ERBB4: variants seen among roughly 807,000 people sequenced by gnomAD.
The protein encoded by ERBB4 is receptor tyrosine-protein kinase erbB-4.
Under a neutral mutation model 158.0 loss-of-function variants are expected in ERBB4, and 42 were observed. The ratio of observed to expected loss-of-function variants is 0.27; its 90% confidence interval spans 0.21 to 0.34. The LOEUF is 0.34. Ranked by LOEUF, ERBB4 falls within the 10% of genes least tolerant of loss-of-function variation. The probability of loss-of-function intolerance (pLI) is 1.00; values close to 1 mark genes in which losing one functional copy is unlikely to be tolerated. For missense variants in ERBB4, 1,333 were observed against 1,624.1 expected (o/e 0.82, Z 3.08); for synonymous variants, 583 against 558.7 (o/e 1.04, Z -0.61).
At position 212,080,694 on chromosome 2, in the gene ERBB4, AC is replaced by A. The variant is rs1329791246; in HGVS notation, c.234+44057del. Reference sequence around the variant, plus strand: ...TAAATAGTAAAAAAAAAAAAAAAAAACCTCTTTATATTCAAAATTTATCTGG... The same window carrying A: ...TAAATAGTAAAAAAAAAAAAAAAAAACTCTTTATATTCAAAATTTATCTGG... On this transcript the variant is annotated intron_variant, in intron 2 of 27. Coordinates refer to ENST00000342788, the MANE Select transcript of ERBB4 (RefSeq NM_005235.3). Among the ~76,000 whole-genome samples, 837 of 137,482 alleles carry A rather than the reference AC, an allele frequency of 6.1e-3. 8 individuals are homozygous for A. Among genetic ancestry groups the A allele is most frequent in the African/African-American group, 0.014 (535 of 37,704 alleles). The allele number at this position is 137,482 out of a possible 152,430, so 90.2% of individuals were successfully genotyped here. A position where few individuals can be genotyped will look rare whatever the true frequency, so the allele number is the denominator to read the frequency against.
intron 19 of ERBB4, among the ~76,000 whole-genome samples, chr2:211,597,248 G>A (rs1024006432): frequency 6.6e-6 from 1 of 152,042 alleles, no homozygotes; most frequent in African/African-American, 2.4e-5. Flanking sequence ...TAGGGGATGA[G>A]GCATATCTAA....
At chr2:212,072,591 T>A (rs1049745672) in intron 2 of ERBB4, among the ~76,000 whole-genome samples, 4 of 151,962 alleles carry the variant, frequency 2.6e-5, no homozygotes, top group African/African-American at 9.7e-5. Context: ...CAGTAAGAAT[T>A]CACTCACATT....
Position 211,580,845 on chromosome 2 carries a change from T to TATA in ERBB4, c.2302-18760_2302-18758dup, listed in dbSNP as rs1277261577. Among the ~76,000 whole-genome samples the TATA allele has an allele frequency of 9.5e-4, 26 of 27,234 alleles. 3 individuals carry two copies. Among genetic ancestry groups the TATA allele is most frequent in the East Asian group, 7.3e-3 (3 of 412 alleles). 17.9% of individuals were successfully genotyped at this position (27,234 alleles called of 152,430 possible). On this transcript the variant is annotated intron_variant, in intron 19 of 27. Transcript: ENST00000342788. ...TATATTATATATATAGATTATATAT[T>TATA]ATATATATAGTATGCATATACATAT... is the stretch of plus-strand genomic sequence containing the variant.
intron 1 of ERBB4, among the ~76,000 whole-genome samples, chr2:212,222,188 T>A (rs746337866): frequency 8.6e-5 from 13 of 151,606 alleles, no homozygotes; most frequent in Non-Finnish European, 1.8e-4. Context: ...ATGACTATAT[T>A]ATAACTTTCT....
At position 211,958,926 on chromosome 2, in the gene ERBB4, C is replaced by T. The variant is rs934503592; in HGVS notation, c.235-11310G>A. ...ATCAGCATTCTCTTAGGTGCCTTCT[C>T]TTAGGTGCCTTCTCTTAGATGCTAT... On this transcript the variant is annotated intron_variant, in intron 2 of 27. Coordinates refer to ENST00000342788, the MANE Select transcript of ERBB4 (RefSeq NM_005235.3). 5.3e-5 allele frequency among the ~76,000 whole-genome samples: 8 copies of T among 151,940 alleles called. No individual in the cohort carries two copies. The South Asian group carries it at 6.2e-4, about 12-fold the overall frequency.
chr2:211,934,657 C>A (rs1211417866), intron 3 of ERBB4, among the ~76,000 whole-genome samples: 2 of 151,760 alleles, frequency 1.3e-5, no homozygotes, highest in African/African-American at 2.4e-5. Context: ...ATAAAACACG[C>A]TTCAAATATA....
intron 1 of ERBB4, among the ~76,000 whole-genome samples, chr2:212,496,252 C>G (rs1213576325): frequency 1.3e-5 from 2 of 149,248 alleles, no homozygotes; most frequent in Non-Finnish European, 3.0e-5. Context: ...ATGGAACAGA[C>G]AAAGTATATC....
intron 16 of ERBB4, among the ~76,000 whole-genome samples, chr2:211,640,852 T>A (rs2125893397): frequency 6.6e-6 from 1 of 152,112 alleles, no homozygotes; most frequent in African/African-American, 2.4e-5. Context: ...AAGTATAACC[T>A]CAACAGTGGA....
rs5838309 is a variant in ERBB4 at position 212,206,589 on chromosome 2, C to CTTTTTTTTTTTTTTTTTTTTTTTTTT, written c.83-81687_83-81686insAAAAAAAAAAAAAAAAAAAAAAAAAA. Among the ~76,000 whole-genome samples, 338 of 116,378 alleles carry CTTTTTTTTTTTTTTTTTTTTTTTTTT rather than the reference C, an allele frequency of 2.9e-3. 28 individuals are homozygous for CTTTTTTTTTTTTTTTTTTTTTTTTTT. Among genetic ancestry groups the CTTTTTTTTTTTTTTTTTTTTTTTTTT allele is most frequent in the Middle Eastern group, 7.8e-3 (2 of 258 alleles). 76.3% of individuals were successfully genotyped at this position (116,378 alleles called of 152,430 possible). Reference sequence around the variant, plus strand: ...ATGAACTGTCTCCGTCTGTTCTGTTCTTTTTTTTTTTTTTTTGAGACGGAG... The same window carrying CTTTTTTTTTTTTTTTTTTTTTTTTTT: ...ATGAACTGTCTCCGTCTGTTCTGTTCTTTTTTTTTTTTTTTTTTTTTTTTTTTTTTTTTTTTTTTTTTGAGACGGAG... On this transcript the variant is annotated intron_variant, in intron 1 of 27. Transcript: ENST00000342788.
chr2:212,398,225 A>G (rs2106455059), intron 1 of ERBB4, among the ~76,000 whole-genome samples: 1 of 152,138 alleles, frequency 6.6e-6, no homozygotes, highest in South Asian at 2.1e-4. Flanking sequence ...ATAGTAAAAT[A>G]TTCATTATCT....
At chr2:211,681,599 A>C (rs536185323) in intron 12 of ERBB4, among the ~76,000 whole-genome samples, 1 of 152,276 alleles carries the variant, frequency 6.6e-6, no homozygotes, top group East Asian at 1.9e-4. Flanking sequence ...GTTTTGATTC[A>C]CATTTTCCTA....
intron 1 of ERBB4, among the ~76,000 whole-genome samples, chr2:212,401,769 T>C (rs1260839402): frequency 6.6e-6 from 1 of 152,086 alleles, no homozygotes; most frequent in Non-Finnish European, 1.5e-5. Context: ...GTTTAGAGTA[T>C]AGAGTAAGGC....
chr2:212,014,824 G>A (rs757103975), intron 2 of ERBB4, among the ~76,000 whole-genome samples: 2 of 151,384 alleles, frequency 1.3e-5, no homozygotes, highest in Non-Finnish European at 2.9e-5. Context: ...GTAAAAAAAT[G>A]TACATAATAT....
intron 1 of ERBB4, among the ~76,000 whole-genome samples, chr2:212,382,334 A>G (rs2090531196): frequency 6.6e-6 from 1 of 150,668 alleles, no homozygotes; most frequent in Non-Finnish European, 1.5e-5. Flanking sequence ...CACTATATAA[A>G]ACACATATGT....
chr2:211,913,375 G>T (rs1032011781), intron 3 of ERBB4, among the ~76,000 whole-genome samples: 1 of 151,958 alleles, frequency 6.6e-6, no homozygotes, highest in African/African-American at 2.4e-5. Context: ...TGAGGCGGGC[G>T]GATCACACTG....
rs1491260097 is a variant in ERBB4, at chr2:211,772,956, T to TA, written c.556+15068_556+15069insT. Among the ~76,000 whole-genome samples the TA allele has an allele frequency of 7.5e-3, 575 of 76,224 alleles. 27 individuals are homozygous for TA. Among genetic ancestry groups the TA allele is most frequent in the Middle Eastern group, 0.024 (4 of 170 alleles). 50.0% of individuals were successfully genotyped at this position (76,224 alleles called of 152,430 possible). ...ATATATATATATATATATATATATA[T>TA]TTTTTTTTTTAAAGATGGGGTCCTA... On this transcript the variant is annotated intron_variant, in intron 4 of 27. Coordinates refer to ENST00000342788, the MANE Select transcript of ERBB4 (RefSeq NM_005235.3).
chr2:212,434,636 A>G (rs1454564777), intron 1 of ERBB4, among the ~76,000 whole-genome samples: 2 of 151,922 alleles, frequency 1.3e-5, no homozygotes, highest in African/African-American at 4.8e-5. Context: ...GTAAACTTCA[A>G]ATTCTCAAAG....
At chr2:211,614,912 A>C (rs1252201661) in intron 19 of ERBB4, among the ~76,000 whole-genome samples, 8 of 152,110 alleles carry the variant, frequency 5.3e-5, no homozygotes. Context: ...CCTATGGTAT[A>C]TATAGAGAAA....
intron 1 of ERBB4, among the ~76,000 whole-genome samples, chr2:212,446,838 G>C (rs1357432060): frequency 6.6e-6 from 1 of 150,402 alleles, no homozygotes; most frequent in Non-Finnish European, 1.5e-5. Context: ...CAAATATAGA[G>C]TGGAACTGAT....
Sources: allele counts gnomAD v4.1 joint callset (sites outside exome capture counted in the v4.1 genomes callset), GRCh38; gene constraint gnomAD v4.1.1; transcripts MANE v1.5; gene names NCBI Gene and HGNC (gene_info 2026-07-23, HGNC 2026-07-21).